The following SLX4IP variants were observed in gnomAD, a reference collection of about 807,000 sequenced individuals.
SLX4IP encodes SLX4 interacting protein.
A neutral mutation model predicts 32.9 loss-of-function variants in SLX4IP; 34 were observed. The ratio of observed to expected loss-of-function variants is 1.03; its 90% CI spans 0.79 to 1.38. SLX4IP has a LOEUF of 1.38. SLX4IP is among the 40% of genes most tolerant of loss of function. SLX4IP has a pLI of 0.00. For synonymous variants in SLX4IP, 172 were observed against 171.7 expected (o/e 1.00, Z -0.01); for missense variants, 444 against 479.0 (o/e 0.93, Z 0.68).
intron 4 of SLX4IP, among the ~76,000 whole-genome samples, chr20:10,595,017 A>G (rs189552534): frequency 6.6e-6 from 1 of 152,264 alleles, no homozygotes; most frequent in East Asian, 1.9e-4. Context: ...TGTTTGTAGA[A>G]GGATAAGGAG....
intron 4 of SLX4IP, among the ~76,000 whole-genome samples, chr20:10,597,652 C>T (rs1413775331): frequency 6.6e-6 from 1 of 152,182 alleles, no homozygotes; most frequent in Non-Finnish European, 1.5e-5. Context: ...ACTATATCCC[C>T]ATTAAAAAAT....
chr20:10,574,783 C>T (rs1244743185), intron 4 of SLX4IP, among the ~76,000 whole-genome samples: 3 of 152,138 alleles, frequency 2.0e-5, no homozygotes, highest in Non-Finnish European at 4.4e-5. Context: ...GGTGATTCTC[C>T]TGTCTCAGCC....
At chr20:10,560,568 C>T (rs1016137923) in intron 3 of SLX4IP, 132 bp from the exon 4 acceptor site, 1 of 673,840 alleles carries the variant, frequency 1.5e-6, no homozygotes, top group African/African-American at 1.9e-5. Context: ...GCACATATGA[C>T]ATTCCTTTCA....
At chr20:10,436,622 T>A (rs1034763342) in intron 1 of SLX4IP, among the ~76,000 whole-genome samples, 1 of 152,210 alleles carries the variant, frequency 6.6e-6, no homozygotes, top group African/African-American at 2.4e-5. Context: ...TCCAAAGTCC[T>A]GGGATCACAG....
intron 2 of SLX4IP, among the ~76,000 whole-genome samples, chr20:10,471,622 T>C (rs1366056726): frequency 1.3e-5 from 2 of 152,238 alleles, no homozygotes; most frequent in African/African-American, 2.4e-5. Flanking sequence ...TCCTTGCTAT[T>C]GATTCCTATC....
chr20:10,530,688 G>A (rs771816583), intron 2 of SLX4IP, among the ~76,000 whole-genome samples: 2 of 152,048 alleles, frequency 1.3e-5, no homozygotes, highest in Non-Finnish European at 2.9e-5. Context: ...CTTTAGTATA[G>A]AGGCTGTAAG....
chr20:10,444,667 C>T (rs1178280981), intron 1 of SLX4IP, among the ~76,000 whole-genome samples: 5 of 152,222 alleles, frequency 3.3e-5, no homozygotes, highest in Non-Finnish European at 7.4e-5. Flanking sequence ...TGAGCCACCG[C>T]GCCTGGCCTG....
chr20:10,474,796 G>A (rs1288067709), intron 2 of SLX4IP, among the ~76,000 whole-genome samples: 1 of 152,210 alleles, frequency 6.6e-6, no homozygotes, highest in East Asian at 1.9e-4. Context: ...TGTTGGGGGT[G>A]TTCCCTGGGA....
At chr20:10,558,623 G>A (rs1175707801) in intron 3 of SLX4IP, among the ~76,000 whole-genome samples, 1 of 152,166 alleles carries the variant, frequency 6.6e-6, no homozygotes, top group Non-Finnish European at 1.5e-5. Context: ...ATTAACATAT[G>A]TTTATTTTGA....
intron 2 of SLX4IP, among the ~76,000 whole-genome samples, chr20:10,475,911 TG>T (rs1289921408): frequency 1.3e-5 from 2 of 152,246 alleles, no homozygotes; most frequent in African/African-American, 4.8e-5. Context: ...AGTTTCTTTT[TG>T]GCAGTCTCAT....
At chr20:10,466,166 T>C (rs1425458558) in intron 2 of SLX4IP, among the ~76,000 whole-genome samples, 1 of 152,254 alleles carries the variant, frequency 6.6e-6, no homozygotes, top group African/African-American at 2.4e-5. Context: ...GTGATACACA[T>C]GGTGTCTACC....
chr20:10,542,448 T>C (rs755066573), intron 2 of SLX4IP, among the ~76,000 whole-genome samples: 3 of 152,228 alleles, frequency 2.0e-5, no homozygotes, highest in Non-Finnish European at 2.9e-5. Context: ...TATTCTTTTT[T>C]AGATTAATCA....
At chr20:10,616,309 A>G (rs569453511) in intron 6 of SLX4IP, among the ~76,000 whole-genome samples, 33 of 151,834 alleles carry the variant, frequency 2.2e-4, no homozygotes, top group Admixed American at 2.0e-3. Context: ...AGGCCTCATC[A>G]CTAGTCTTCC....
intron 6 of SLX4IP, among the ~76,000 whole-genome samples, chr20:10,616,204 C>G (rs533071918): frequency 3.0e-4 from 45 of 152,030 alleles, no homozygotes; most frequent in Admixed American, 1.8e-3. Flanking sequence ...TGTGTTGGGT[C>G]TCCCATCAAA....
chr20:10,457,836 C>A (rs1360418426), intron 1 of SLX4IP, among the ~76,000 whole-genome samples: 1 of 150,600 alleles, frequency 6.6e-6, no homozygotes, highest in African/African-American at 2.4e-5. Context: ...CTGTGCTTTT[C>A]TCTCTTTTTT....
At chr20:10,526,730 C>T (rs571968119) in intron 2 of SLX4IP, among the ~76,000 whole-genome samples, 27 of 152,212 alleles carry the variant, frequency 1.8e-4, no homozygotes, top group African/African-American at 6.3e-4. Flanking sequence ...GTGGGTGGAT[C>T]ACTTGAACTC....
At chr20:10,463,911 A>G (rs759220191) in intron 2 of SLX4IP, among the ~76,000 whole-genome samples, 1 of 152,194 alleles carries the variant, frequency 6.6e-6, no homozygotes, top group Non-Finnish European at 1.5e-5. Context: ...TCAGCTTTGA[A>G]CAGAGGTTAC....
In SLX4IP at chr20:10,556,216, A is replaced by G. The variant is rs2066265786; in HGVS notation, c.28-15A>G. ...GAGCCGCACAGACACTGACTCTGCC[A>G]TTAATGTCTTTCAGTGTGGGAATTT... On this transcript the variant is annotated splice_polypyrimidine_tract_variant and intron_variant, in intron 2 of 7. Coordinates refer to ENST00000334534, the MANE Select transcript of SLX4IP (RefSeq NM_001009608.3). The G allele has an allele frequency of 6.2e-7, 1 of 1,610,662 alleles. No homozygotes were observed. Among genetic ancestry groups the G allele is most frequent in the East Asian group, 2.2e-5 (1 of 44,824 alleles).
At chr20:10,470,363 G>A (rs1442865100) in intron 2 of SLX4IP, among the ~76,000 whole-genome samples, 1 of 152,184 alleles carries the variant, frequency 6.6e-6, no homozygotes, top group African/African-American at 2.4e-5. Flanking sequence ...ACGTACAGCA[G>A]CGTAGCCGTC....
Sources: allele counts gnomAD v4.1 joint callset (sites outside exome capture counted in the v4.1 genomes callset), GRCh38; gene constraint gnomAD v4.1.1; transcripts MANE v1.5; gene names NCBI Gene and HGNC (gene_info 2026-07-23, HGNC 2026-07-21).